Variants in PRELID2 observed in about 807,000 individuals in gnomAD.
PRELID2 encodes the protein PRELI domain-containing protein 2.
A neutral mutation model predicts 28.4 loss-of-function variants in PRELID2; 25 were observed. The ratio of observed to expected loss-of-function variants is 0.88; its 90% CI spans 0.64 to 1.23. The LOEUF (loss-of-function observed/expected upper bound fraction) is 1.23. PRELID2 is among the 50% of genes most tolerant of loss of function. The pLI is 0.00. For missense variants in PRELID2, 201 were observed against 214.4 expected (o/e 0.94, Z 0.39); for synonymous variants, 76 against 71.6 (o/e 1.06, Z -0.31).
chr5:145,325,139 A>T, the PRELID2 span, among the ~76,000 whole-genome samples: 1 of 152,228 alleles, frequency 6.6e-6, no homozygotes, highest in Non-Finnish European at 1.5e-5. Flanking sequence ...AAACATGCAC[A>T]AATAGTTTTT....
At chr5:145,415,244 G>T in the PRELID2 span, among the ~76,000 whole-genome samples, 1 of 150,738 alleles carries the variant, frequency 6.6e-6, no homozygotes, top group Non-Finnish European at 1.5e-5. Flanking sequence ...TTTTGTTGTT[G>T]GTTTTGTTTT....
intron 1 of PRELID2, among the ~76,000 whole-genome samples, chr5:145,477,183 A>G (rs565402936): frequency 4.6e-5 from 7 of 152,314 alleles, no homozygotes; most frequent in Middle Eastern, 6.8e-3. Context: ...ACAGAGATTT[A>G]TAAAACTGGA....
chr5:145,244,608 A>G, the PRELID2 span, among the ~76,000 whole-genome samples: 1 of 152,090 alleles, frequency 6.6e-6, no homozygotes, highest in East Asian at 1.9e-4. Flanking sequence ...AGTATTTTCT[A>G]CAGGGAGACT....
the PRELID2 span, among the ~76,000 whole-genome samples, chr5:145,311,716 A>G: frequency 8.7e-4 from 133 of 152,286 alleles, 1 homozygote; most frequent in African/African-American, 3.2e-3. Context: ...TGTGCCCAGC[A>G]TGTTGAGTGA....
At chr5:145,501,076 G>T (rs1752356291) in intron 1 of PRELID2, among the ~76,000 whole-genome samples, 1 of 152,032 alleles carries the variant, frequency 6.6e-6, no homozygotes, top group South Asian at 2.1e-4. Flanking sequence ...CCCTTAATCT[G>T]GGCATGTCTC....
At chr5:145,494,600 A>G (rs1222707371) in intron 1 of PRELID2, among the ~76,000 whole-genome samples, 2 of 152,170 alleles carry the variant, frequency 1.3e-5, no homozygotes, top group Non-Finnish European at 2.9e-5. Context: ...TCCAGAGGTC[A>G]TTAAAGAAAA....
intron 1 of PRELID2, among the ~76,000 whole-genome samples, chr5:145,640,792 A>C (rs1754094777): frequency 6.6e-6 from 1 of 152,236 alleles, no homozygotes; most frequent in Non-Finnish European, 1.5e-5. Context: ...TATAGTAATG[A>C]AGACAGCATG....
chr5:145,672,562 C>T (rs1754729964), intron 1 of PRELID2, among the ~76,000 whole-genome samples: 1 of 151,538 alleles, frequency 6.6e-6, no homozygotes, highest in African/African-American at 2.4e-5. Flanking sequence ...GTATAGCCAC[C>T]TTCTGTCTCT....
At chr5:145,394,963 T>G in the PRELID2 span, among the ~76,000 whole-genome samples, 11 of 152,134 alleles carry the variant, frequency 7.2e-5, no homozygotes, top group Admixed American at 2.0e-4. Context: ...ATTACGTATT[T>G]TGGGTTTTCT....
At chr5:145,524,197 C>G (rs1033934076) in intron 1 of PRELID2, among the ~76,000 whole-genome samples, 2 of 152,208 alleles carry the variant, frequency 1.3e-5, no homozygotes, top group Non-Finnish European at 2.9e-5. Flanking sequence ...GTATTAGGGA[C>G]TGGGCAGAGT....
chr5:145,418,814 G>A, the PRELID2 span, among the ~76,000 whole-genome samples: 1 of 151,428 alleles, frequency 6.6e-6, no homozygotes, highest in Non-Finnish European at 1.5e-5. Context: ...GTGCCATGCT[G>A]GTGCGCTGCA....
At position 145,833,798 on chromosome 5, in the gene PRELID2, G is replaced by A. The variant is rs116835668; in HGVS notation, c.75+1379C>T. Among the ~76,000 whole-genome samples the A allele has an allele frequency of 9.1e-3, 1,387 of 152,284 alleles. 30 individuals carry two copies. Among genetic ancestry groups the A allele is most frequent in the African/African-American group, 0.032 (1,312 of 41,558 alleles). On this transcript the variant is annotated intron_variant, in intron 1 of 6. Transcript: ENST00000683046. ...GGTTGCATATGGAGTTCAATGTCCCGTGGCTGCTAACCAAGGCAAATTGCA... is the reference window on the plus strand; with the variant it reads ...GGTTGCATATGGAGTTCAATGTCCCATGGCTGCTAACCAAGGCAAATTGCA...
chr5:145,339,731 C>T, the PRELID2 span, among the ~76,000 whole-genome samples: 1 of 152,118 alleles, frequency 6.6e-6, no homozygotes, highest in East Asian at 1.9e-4. Context: ...CTGCACTTCC[C>T]GCAATTATCT....
chr5:145,402,243 G>A, the PRELID2 span, among the ~76,000 whole-genome samples: 1 of 152,126 alleles, frequency 6.6e-6, no homozygotes, highest in Non-Finnish European at 1.5e-5. Context: ...AGTGTCCTAA[G>A]CAAAACTGGC....
rs138525271 is a variant in PRELID2 at position 145,826,080 on chromosome 5, C to G, written c.76-2946G>C. ...CAGTATGACTGCAGAATTGATCAAG[C>G]TGAATCAGGATCACACCCATCAAAG... On this transcript the variant is annotated intron_variant, in intron 1 of 6. Transcript: ENST00000683046. 7.2e-4 allele frequency: 706 copies of G among 985,386 alleles called. 21 individuals carry two copies. In the East Asian group the frequency reaches 0.067, roughly 93 times the overall value. 61.0% of individuals were successfully genotyped at this position (985,386 alleles called of 1,614,324 possible).
the PRELID2 span, among the ~76,000 whole-genome samples, chr5:145,236,891 G>T: frequency 6.6e-6 from 1 of 152,098 alleles, no homozygotes; most frequent in Non-Finnish European, 1.5e-5. Flanking sequence ...TTCCTCAGAT[G>T]CATTCTAAAG....
chr5:145,480,430 C>T (rs1054696133), intron 1 of PRELID2, among the ~76,000 whole-genome samples: 6 of 152,194 alleles, frequency 3.9e-5, no homozygotes, highest in South Asian at 2.1e-4. Flanking sequence ...ATATTAACCA[C>T]GTGCAAAATT....
chr5:145,458,581 G>C, the PRELID2 span, among the ~76,000 whole-genome samples: 9 of 152,162 alleles, frequency 5.9e-5, no homozygotes, highest in Non-Finnish European at 1.3e-4. Flanking sequence ...CCAGTATCTA[G>C]TGAGTAGAAA....
At chr5:145,409,359 G>A in the PRELID2 span, among the ~76,000 whole-genome samples, 2 of 152,132 alleles carry the variant, frequency 1.3e-5, no homozygotes, top group Admixed American at 1.3e-4. Context: ...GAATAGAATA[G>A]TACCTAATAT....
Sources: gnomAD v4.1 joint callset for allele counts (sites outside exome capture counted in the v4.1 genomes callset) on GRCh38, gnomAD v4.1.1 for gene constraint, MANE v1.5 for transcripts, NCBI Gene and HGNC (gene_info 2026-07-23, HGNC 2026-07-21) for gene names.